COL12A1: variants seen among roughly 807,000 people sequenced by gnomAD.
COL12A1 encodes the protein collagen alpha-1(XII) chain.
A neutral mutation model predicts 349.7 loss-of-function variants in COL12A1; 114 were observed. The observed-to-expected ratio is 0.33, with a 90% CI of 0.28 to 0.38. The LOEUF (loss-of-function observed/expected upper bound fraction) is 0.38, where lower values mean the gene tolerates loss of function less well. Among genes scored for constraint, COL12A1 ranks in the 10% least tolerant of loss-of-function variants. The pLI is 1.00. For synonymous variants in COL12A1, 1,369 were observed against 1,329.0 expected, an observed-to-expected ratio of 1.03 and a Z score of -0.66; for missense variants, 3,284 against 3,756.9, an observed-to-expected ratio of 0.87 and a Z score of 3.29.
At position 75,090,420 on chromosome 6, in the gene COL12A1, A is replaced by C. The variant is rs1456618220; in HGVS notation, c.8753-122T>G. 2.2e-6 allele frequency: 2 copies of C among 905,046 alleles called. No individual in the cohort carries two copies. Among genetic ancestry groups the C allele is most frequent in the Non-Finnish European group, 3.3e-6 (2 of 602,664 alleles). 56.1% of individuals were successfully genotyped at this position (905,046 alleles called of 1,614,324 possible). ...CATTCTGCAACCCCTCTAAGGAAAC[A>C]ATCTAATTAGAATCCTAAAAATAAA... is the stretch of plus-strand genomic sequence containing the variant. On this transcript the variant is annotated intron_variant, in intron 62 of 65. Transcript: ENST00000322507. This position sits in a 1 kb window ranked among gnomAD's most constrained non-coding sequence, Gnocchi z 4.1.
At chr6:75,134,176 C>G (rs1483187299) in intron 32 of COL12A1, among the ~76,000 whole-genome samples, 179 bp from the exon 33 acceptor site, 1 of 152,214 alleles carries the variant, frequency 6.6e-6, no homozygotes, top group Non-Finnish European at 1.5e-5. Flanking sequence ...TATGTCTCAT[C>G]TATCCACAAG....
intron 14 of COL12A1, among the ~76,000 whole-genome samples, chr6:75,159,503 G>A (rs887869603): frequency 6.7e-6 from 1 of 148,496 alleles, no homozygotes; most frequent in Non-Finnish European, 1.5e-5. Flanking sequence ...ACTTTTACCT[G>A]GAGTTTTGAA....
chr6:75,130,161 T>C lies in COL12A1; in HGVS notation c.6140A>G (p.His2047Arg), dbSNP rs569212577. The change falls in exon 37 of 66, where the codon CAT (histidine) becomes CGT (arginine). Residue 2047 changes from histidine to arginine, a missense_variant. Around this residue, in one of 2 missense-constraint regions of COL12A1, gnomAD observed 2,601 missense variants for 2,824.8 expected, o/e 0.92. Coordinates refer to ENST00000322507, the MANE Select transcript of COL12A1 (RefSeq NM_004370.6). ...TTNSLSVAWDHADGPVQQYRI... is the reference protein window; with the variant it reads ...TTNSLSVAWDRADGPVQQYRI... ...GTACTGCTGAACTGGCCCATCAGCATGATCCCAGGCTACCGAGAGGCTATT... is the reference window on the plus strand; with the variant it reads ...GTACTGCTGAACTGGCCCATCAGCACGATCCCAGGCTACCGAGAGGCTATT... The C allele has an allele frequency of 4.3e-6, 7 of 1,614,136 alleles. No homozygotes were observed. In the South Asian group the frequency reaches 5.5e-5, roughly 13 times the overall value.
intron 14 of COL12A1, among the ~76,000 whole-genome samples, chr6:75,162,652 T>C (rs764147408): frequency 1.3e-5 from 2 of 152,072 alleles, no homozygotes; most frequent in Non-Finnish European, 2.9e-5. Flanking sequence ...AAAGCCAAAA[T>C]AGACAAATGG....
chr6:75,148,428 G>A lies in COL12A1; in HGVS notation c.4217C>T (p.Thr1406Ile). ...RTHRSFRVSWTPPSDSVDRYK... is the reference protein window; with the variant it reads ...RTHRSFRVSWIPPSDSVDRYK... ...TCGATCCACACTGTCAGAAGGTGGT[G>A]TCCAGCTCACTCTAAAAGAACGATG... Residue 1406 changes from threonine to isoleucine, a missense_variant, in exon 22 of 66, where the codon ACA becomes ATA. Thr to Ile is a moderately conservative substitution (Grantham distance 89). Coordinates refer to ENST00000322507, the MANE Select transcript of COL12A1 (RefSeq NM_004370.6). 2 of 1,613,328 alleles carry A rather than the reference G, an allele frequency of 1.2e-6. No individual in the cohort carries two copies. Among genetic ancestry groups the A allele is most frequent in the South Asian group, 1.1e-5 (1 of 91,056 alleles).
chr6:75,184,172 A>G, intron 8 of COL12A1, 28 bp from the exon 9 acceptor site: 2 of 1,602,850 alleles, frequency 1.2e-6, no homozygotes, highest in Non-Finnish European at 1.7e-6. Context: ...GACAGTGATT[A>G]ATAACAGTGA....
At chr6:75,139,010 A>G (rs1385998351) in intron 27 of COL12A1, 49 bp from the exon 28 acceptor site, 1 of 1,602,210 alleles carries the variant, frequency 6.2e-7, no homozygotes, top group Non-Finnish European at 8.5e-7. Context: ...GTGAGCTGCA[A>G]ATGCAATTTA....
intron 1 of COL12A1, among the ~76,000 whole-genome samples, chr6:75,204,350 T>G (rs1362951821): frequency 6.6e-6 from 1 of 152,100 alleles, no homozygotes; most frequent in Admixed American, 6.5e-5. Flanking sequence ...TGCGCAGATT[T>G]TTTTTTAACA....
chr6:75,100,875 C>T (rs536405618), intron 58 of COL12A1, among the ~76,000 whole-genome samples: 1 of 152,288 alleles, frequency 6.6e-6, no homozygotes, highest in Non-Finnish European at 1.5e-5. Context: ...CCATAAGATG[C>T]TGGAAAGTCA....
At chr6:75,198,126 CT>C (rs1770327519) in intron 2 of COL12A1, among the ~76,000 whole-genome samples, 2 of 152,198 alleles carry the variant, frequency 1.3e-5, no homozygotes, top group Admixed American at 6.5e-5. Context: ...CAGTTTTCTA[CT>C]GTACTAGATT....
chr6:75,176,122 G>A (rs553054703), intron 12 of COL12A1, among the ~76,000 whole-genome samples: 231 of 152,316 alleles, frequency 1.5e-3, no homozygotes, highest in South Asian at 9.7e-3. Flanking sequence ...TGGAAGAGAG[G>A]AGGAAGGAAG....
Position 75,145,407 on chromosome 6 carries a change from G to A in COL12A1, c.4609C>T (p.Pro1537Ser), listed in dbSNP as rs1028650601. ...ACTGTGACTGCATACTCCGTGTTGG[G>A]AACAAGGTCAGTCAGCTGCATGTCA... Reference protein sequence around the residue: ...VNDMQLTDLVPNTEYAVTVQA... With the variant: ...VNDMQLTDLVSNTEYAVTVQA... Residue 1537 changes from proline (P) to serine (S), a missense_variant, in exon 25 of 66, where the codon CCC becomes TCC. By Grantham distance (74) the Pro-to-Ser change is moderately conservative. Coordinates refer to ENST00000322507, the MANE Select transcript of COL12A1 (RefSeq NM_004370.6). 6.2e-7 allele frequency: 1 copy of A among 1,614,010 alleles called. No homozygotes were observed. Among genetic ancestry groups the A allele is most frequent in the East Asian group, 2.2e-5 (1 of 44,868 alleles).
rs367759853 is a variant in COL12A1, at chr6:75,115,807, A to T, written c.7674T>A (p.Asn2558Lys). The change falls in exon 49 of 66, where the codon AAT becomes AAA. Residue 2558 changes from asparagine to lysine, a missense_variant. Transcript: ENST00000322507. ...PSYSAYRIQK[N>K]AFVNQPTADL... ...ACGCTGTAGGCTGATTCACAAACGC[A>T]TTCTTCTGAATCCTGTATGCTGAGT... The T allele has an allele frequency of 2.5e-6, 4 of 1,612,308 alleles. No homozygotes were observed. In the East Asian group the frequency reaches 8.9e-5, roughly 36 times the overall value.
chr6:75,084,351 A>G lies in COL12A1; in HGVS notation c.*2196T>C, dbSNP rs1037764323. 4.6e-5 allele frequency: 7 copies of G among 152,696 alleles called. No homozygotes were observed. Among genetic ancestry groups the G allele is most frequent in the Non-Finnish European group, 1.0e-4 (7 of 68,052 alleles). 9.5% of individuals were successfully genotyped at this position (152,696 alleles called of 1,614,324 possible). On this transcript the variant is annotated 3_prime_UTR_variant, in exon 66 of 66. Coordinates refer to ENST00000322507, the MANE Select transcript of COL12A1 (RefSeq NM_004370.6). Reference sequence around the variant, plus strand: ...TCAAATTTTCAGTAGTTTTATTGAAAAATGCCTCTTTTGTTTCAGAAATAA... The same window carrying G: ...TCAAATTTTCAGTAGTTTTATTGAAGAATGCCTCTTTTGTTTCAGAAATAA...
Position 75,102,564 on chromosome 6 carries a change from C to G in COL12A1, c.8415+33G>C, listed in dbSNP as rs749587742. 9.2e-6 allele frequency: 13 copies of G among 1,407,642 alleles called. No homozygotes were observed. The East Asian group carries it at 3.4e-4, about 37-fold the overall frequency. The allele number at this position is 1,407,642 out of a possible 1,614,324, so 87.2% of individuals were successfully genotyped here. ...CATTTAACTAAATGTTTATCCACCA[C>G]TCTCATTTAATACAGAAAGGCTTTG... On this transcript the variant is annotated intron_variant, in intron 56 of 65. Coordinates refer to ENST00000322507, the MANE Select transcript of COL12A1 (RefSeq NM_004370.6).
chr6:75,096,847 G>C (rs990979586), intron 59 of COL12A1, among the ~76,000 whole-genome samples: 7 of 129,078 alleles, frequency 5.4e-5, no homozygotes, highest in Admixed American at 2.0e-4. Flanking sequence ...AGTGAGCCGA[G>C]ATCCCGCCAC....
intron 16 of COL12A1, among the ~76,000 whole-genome samples, chr6:75,154,887 T>C (rs566076132): frequency 1.3e-5 from 2 of 152,160 alleles, no homozygotes; most frequent in Non-Finnish European, 2.9e-5. Context: ...CAATGGGCTT[T>C]AAGAAAATAA....
At chr6:75,154,826 C>A (rs1254402873) in intron 16 of COL12A1, among the ~76,000 whole-genome samples, 2 of 152,112 alleles carry the variant, frequency 1.3e-5, no homozygotes, top group East Asian at 3.9e-4. Flanking sequence ...CTCTACCCTG[C>A]CTTTCAGCAT....
In COL12A1 at chr6:75,138,892, T is replaced by C. The variant is rs1431040316; in HGVS notation, c.5027A>G (p.Asp1676Gly). The change falls in exon 28 of 66, where the codon GAT (aspartate) becomes GGT (glycine). Residue 1676 changes from aspartate to glycine, a missense_variant. Asp to Gly is a moderately conservative substitution (Grantham distance 94). This residue lies in a region of COL12A1 where 2,601 missense variants were observed against 2,824.8 expected (regional missense o/e 0.92). Transcript: ENST00000322507. ...VTSEGFRGTW[D>G]HGASDVSLYR... is the part of the protein sequence containing the mutation. ...GAGAGACACATCTGAAGCTCCATGATCCCAAGTCCCTCTGAAACCCTCTGA... is the reference window on the plus strand; with the variant it reads ...GAGAGACACATCTGAAGCTCCATGACCCCAAGTCCCTCTGAAACCCTCTGA... 4 of 1,614,120 alleles carry C rather than the reference T, an allele frequency of 2.5e-6. No homozygotes were observed. The highest frequency in any genetic ancestry group is 3.4e-6 in the Non-Finnish European group (4 of 1,179,964).
Sources: allele counts gnomAD v4.1 joint callset (sites outside exome capture counted in the v4.1 genomes callset), GRCh38; gene constraint gnomAD v4.1.1; regional missense constraint gnomAD v4.1.1; non-coding constraint Gnocchi (gnomAD v3.1); transcripts MANE v1.5; gene names NCBI Gene and HGNC (gene_info 2026-07-23, HGNC 2026-07-21).